The following SSBP2 variants were observed in gnomAD, a reference collection of about 807,000 sequenced individuals.
The protein encoded by SSBP2 is single-stranded DNA-binding protein 2.
Under a neutral mutation model 61.8 loss-of-function variants are expected in SSBP2, and 17 were observed. The ratio of observed to expected loss-of-function variants is 0.28; its 90% confidence interval spans 0.19 to 0.41. The LOEUF is 0.41. SSBP2 is among the 10% of genes least tolerant of loss of function. SSBP2 has a pLI of 1.00. For synonymous variants in SSBP2, 139 were observed against 141.3 expected, an observed-to-expected ratio of 0.98 and a Z score of 0.12; for missense variants, 310 against 458.7, an observed-to-expected ratio of 0.68 and a Z score of 2.96.
intron 4 of SSBP2, among the ~76,000 whole-genome samples, chr5:81,575,185 T>C (rs1321771404): frequency 1.3e-5 from 2 of 152,226 alleles, no homozygotes; most frequent in African/African-American, 2.4e-5. Flanking sequence ...GGAGAATCAC[T>C]TGAACTCGGG....
intron 4 of SSBP2, among the ~76,000 whole-genome samples, chr5:81,560,926 T>C (rs899872488): frequency 1.3e-5 from 2 of 152,158 alleles, no homozygotes; most frequent in African/African-American, 4.8e-5. Flanking sequence ...ATTATAGTCA[T>C]GTTTAAGCAT....
At chr5:81,454,292 G>C (rs1763979098) in intron 10 of SSBP2, among the ~76,000 whole-genome samples, 1 of 152,222 alleles carries the variant, frequency 6.6e-6, no homozygotes, top group Non-Finnish European at 1.5e-5. Context: ...GGCACTAGAG[G>C]AAAGTTCCAG....
At chr5:81,567,974 C>T (rs192979891) in intron 4 of SSBP2, among the ~76,000 whole-genome samples, 1 of 152,216 alleles carries the variant, frequency 6.6e-6, no homozygotes, top group East Asian at 1.9e-4. Context: ...ATTTTACAGG[C>T]TCATAGGAGG....
At chr5:81,566,620 A>C (rs1297659269) in intron 4 of SSBP2, among the ~76,000 whole-genome samples, 1 of 152,140 alleles carries the variant, frequency 6.6e-6, no homozygotes, top group African/African-American at 2.4e-5. Flanking sequence ...GTACCAGTAG[A>C]GTGGGGAGCT....
chr5:81,501,563 CTTTTTT>C (rs71603598), intron 5 of SSBP2, among the ~76,000 whole-genome samples: 2 of 117,376 alleles, frequency 1.7e-5, no homozygotes, highest in Non-Finnish European at 1.8e-5. Context: ...TCTTTCTTTT[CTTTTTT>C]TTTTTTTTTT....
chr5:81,657,833 G>A (rs780512156), intron 1 of SSBP2, among the ~76,000 whole-genome samples: 3 of 152,014 alleles, frequency 2.0e-5, no homozygotes, highest in Non-Finnish European at 4.4e-5. Flanking sequence ...ATTTTAGTCA[G>A]GTTTTTTAGA....
At chr5:81,643,019 A>G (rs1190445435) in intron 2 of SSBP2, among the ~76,000 whole-genome samples, 1 of 152,144 alleles carries the variant, frequency 6.6e-6, no homozygotes, top group Non-Finnish European at 1.5e-5. Flanking sequence ...ACTCCATTCT[A>G]TACTTGGGGC....
chr5:81,573,388 T>A (rs1472841364), intron 4 of SSBP2, among the ~76,000 whole-genome samples: 1 of 152,224 alleles, frequency 6.6e-6, no homozygotes, highest in Non-Finnish European at 1.5e-5. Context: ...ATGGCTGAGA[T>A]GCTGAGAAGG....
intron 5 of SSBP2, among the ~76,000 whole-genome samples, chr5:81,500,944 T>C (rs1196824189): frequency 6.6e-6 from 1 of 151,202 alleles, no homozygotes; most frequent in Non-Finnish European, 1.5e-5. Context: ...CCAGGCACGG[T>C]GGCTCATGCC....
At chr5:81,583,600 A>C (rs563505352) in intron 4 of SSBP2, among the ~76,000 whole-genome samples, 16 of 149,012 alleles carry the variant, frequency 1.1e-4, no homozygotes, top group Non-Finnish European at 1.9e-4. Flanking sequence ...ACTGCACTCC[A>C]GCCTGGGCGA....
At chr5:81,581,213 T>C (rs1209532817) in intron 4 of SSBP2, among the ~76,000 whole-genome samples, 1 of 152,158 alleles carries the variant, frequency 6.6e-6, no homozygotes, top group Non-Finnish European at 1.5e-5. Flanking sequence ...GTAAGTAAGA[T>C]CGAGTCCCTT....
intron 4 of SSBP2, among the ~76,000 whole-genome samples, chr5:81,539,556 G>A (rs1188461884): frequency 1.3e-5 from 2 of 152,144 alleles, no homozygotes; most frequent in African/African-American, 4.8e-5. Flanking sequence ...GAAATCATTT[G>A]TGAAAGGAAA....
intron 1 of SSBP2, among the ~76,000 whole-genome samples, chr5:81,727,113 A>G (rs558941679): frequency 6.6e-6 from 1 of 152,288 alleles, no homozygotes; most frequent in African/African-American, 2.4e-5. Flanking sequence ...TTACAAACAG[A>G]CCTAAGTTCA....
chr5:81,438,539 A>G (rs530190612), intron 14 of SSBP2, among the ~76,000 whole-genome samples: 2 of 152,296 alleles, frequency 1.3e-5, no homozygotes, highest in East Asian at 3.9e-4. Context: ...GCTTATTAAT[A>G]TAAGTTGTAA....
intron 4 of SSBP2, among the ~76,000 whole-genome samples, chr5:81,581,174 GA>G (rs975150469): frequency 2.6e-5 from 4 of 152,172 alleles, no homozygotes. Context: ...CAGGAACATA[GA>G]GAAGAAGAAC....
At chr5:81,683,746 A>G (rs1417465147) in intron 1 of SSBP2, among the ~76,000 whole-genome samples, 1 of 152,232 alleles carries the variant, frequency 6.6e-6, no homozygotes, top group Non-Finnish European at 1.5e-5. Flanking sequence ...ATCCAAAATA[A>G]GCAAAGAACT....
intron 10 of SSBP2, among the ~76,000 whole-genome samples, chr5:81,452,187 G>GGTGA (rs1485736280): frequency 6.6e-6 from 1 of 152,176 alleles, no homozygotes; most frequent in Non-Finnish European, 1.5e-5. Context: ...TGTGGTAAAG[G>GGTGA]GTGAGGCTGC....
intron 1 of SSBP2, among the ~76,000 whole-genome samples, chr5:81,718,026 G>A (rs1327842028): frequency 6.6e-6 from 1 of 152,128 alleles, no homozygotes; most frequent in Non-Finnish European, 1.5e-5. Flanking sequence ...GAACTCTCTT[G>A]TACCGCCCTT....
intron 1 of SSBP2, among the ~76,000 whole-genome samples, chr5:81,706,719 T>C (rs961502958): frequency 3.9e-5 from 6 of 152,350 alleles, no homozygotes; most frequent in Non-Finnish European, 7.4e-5. Context: ...TGTCTACCTC[T>C]GAATCTTACT....
Sources: gnomAD v4.1 joint callset for allele counts (sites outside exome capture counted in the v4.1 genomes callset) on GRCh38, gnomAD v4.1.1 for gene constraint, MANE v1.5 for transcripts, NCBI Gene and HGNC (gene_info 2026-07-23, HGNC 2026-07-21) for gene names.